The following NOSIP variants were observed in gnomAD, a reference collection of about 807,000 sequenced individuals.
NOSIP encodes nitric oxide synthase interacting protein, also known as nitric oxide synthase-interacting protein.
Under a neutral mutation model 36.4 loss-of-function variants are expected in NOSIP, and 25 were observed. That is an observed-to-expected ratio of 0.69 (90% CI 0.50 to 0.96). The LOEUF (loss-of-function observed/expected upper bound fraction) is 0.96, where lower values mean the gene tolerates loss of function less well. Ranked by LOEUF, NOSIP falls within the 40% of genes least tolerant of loss-of-function variation. NOSIP has a pLI of 0.00. For missense variants in NOSIP, 370 were observed against 429.0 expected (o/e 0.86, Z 1.21); for synonymous variants, 187 against 179.2 (o/e 1.04, Z -0.35).
rs1353677164 is a variant in NOSIP, at chr19:49,557,791, T to C, written c.259-542A>G. 4.1e-5 allele frequency: 41 copies of C among 988,496 alleles called. No individual in the cohort carries two copies. In the South Asian group the frequency reaches 1.6e-3, roughly 39 times the overall value. The allele number at this position is 988,496 out of a possible 1,614,324, so 61.2% of individuals were successfully genotyped here. ...GCCATGACCTGAGCTCAGCCCTGCC[T>C]GGCGCACAGCAGTTGCCTGGGCGGT... On this transcript the variant is annotated intron_variant, in intron 4 of 8. Coordinates refer to ENST00000596358, the MANE Select transcript of NOSIP (RefSeq NM_001270960.2).
chr19:49,580,020 A>G (rs1382645942), intron 1 of NOSIP, among the ~76,000 whole-genome samples: 2 of 151,648 alleles, frequency 1.3e-5, no homozygotes, highest in Non-Finnish European at 2.9e-5. Context: ...TCCCTGCACC[A>G]ACCCCGAAAG....
chr19:49,558,616 T>G, intron 4 of NOSIP: 3 of 404,184 alleles, frequency 7.4e-6, no homozygotes, highest in East Asian at 4.2e-5. Context: ...TCGAAGTCCA[T>G]AAGGGAAAGT....
chr19:49,564,453 C>CAAAAAAAAAAAAAA (rs1011453088), intron 1 of NOSIP, among the ~76,000 whole-genome samples: 1 of 42,562 alleles, frequency 2.3e-5, no homozygotes, highest in African/African-American at 8.3e-5. Context: ...GACTCCATCT[C>CAAAAAAAAAAAAAA]AAAAAAAAAA....
chr19:49,559,939 A>C lies in NOSIP; in HGVS notation c.171T>G (p.Val57=), dbSNP rs1346142625. Residue 57 remains valine (V), a synonymous_variant, in exon 3 of 9, where the codon GTT becomes GTG. Transcript: ENST00000596358. Reference sequence around the variant, plus strand: ...CATCCCTGTTCCCAGCTCACGTGACAACAGGATCGTGGCAAGGCTGCAGGG... The same window carrying C: ...CATCCCTGTTCCCAGCTCACGTGACCACAGGATCGTGGCAAGGCTGCAGGG... ...CLSLQPCHDP[V]VTPDGYLYER... is the part of the protein sequence containing the mutation. The C allele has an allele frequency of 1.9e-6, 3 of 1,612,100 alleles. No homozygotes were observed. In the African/African-American group the frequency reaches 4.0e-5, roughly 22 times the overall value.
chr19:49,565,680 C>CCTGG lies in NOSIP; in HGVS notation c.-1-4992_-1-4989dup, dbSNP rs1489733945. Reference sequence around the variant, plus strand: ...GGCTGAAGCAGGAGGACTGCTTGAGCCTGGGAGGTGAAGGCTGCAGTGAGC... The same window carrying CCTGG: ...GGCTGAAGCAGGAGGACTGCTTGAGCCTGGCTGGGAGGTGAAGGCTGCAGTGAGC... On this transcript the variant is annotated intron_variant, in intron 1 of 8. Coordinates refer to ENST00000596358, the MANE Select transcript of NOSIP (RefSeq NM_001270960.2). 2.6e-5 allele frequency among the ~76,000 whole-genome samples: 4 copies of CCTGG among 152,038 alleles called. No individual in the cohort carries two copies. The East Asian group carries it at 7.8e-4, about 30-fold the overall frequency.
intron 1 of NOSIP, among the ~76,000 whole-genome samples, chr19:49,570,983 T>C (rs983549416): frequency 6.6e-6 from 1 of 152,076 alleles, no homozygotes; most frequent in South Asian, 2.1e-4. Flanking sequence ...TTTAATTTAA[T>C]TTGTTTTTTT....
At chr19:49,573,468 G>T (rs1188315561) in intron 1 of NOSIP, among the ~76,000 whole-genome samples, 3 of 152,134 alleles carry the variant, frequency 2.0e-5, no homozygotes, top group Non-Finnish European at 4.4e-5. Flanking sequence ...GTGGGGCCTG[G>T]GTTGAACTTC....
At chr19:49,570,277 T>C (rs141824166) in intron 1 of NOSIP, among the ~76,000 whole-genome samples, 120 of 152,154 alleles carry the variant, frequency 7.9e-4, no homozygotes, top group Middle Eastern at 3.4e-3. Context: ...AAAAAGCAAC[T>C]TCATCTCTAT....
At chr19:49,575,994 G>A (rs912543229) in intron 1 of NOSIP, among the ~76,000 whole-genome samples, 6 of 152,134 alleles carry the variant, frequency 3.9e-5, no homozygotes, top group Admixed American at 2.0e-4. Context: ...AATTAGCCGG[G>A]CGTGGTGGCG....
intron 4 of NOSIP, chr19:49,557,687 G>T (rs965714129): frequency 1.0e-6 from 1 of 1,003,882 alleles, no homozygotes; most frequent in Non-Finnish European, 1.2e-6. Flanking sequence ...TGGGACGGGG[G>T]ATGTAGACTT....
At chr19:49,555,888 G>A in intron 8 of NOSIP, 66 bp from the exon 9 acceptor site, 1 of 1,196,552 alleles carries the variant, frequency 8.4e-7, no homozygotes, top group South Asian at 1.2e-5. Context: ...GGCTCCAGGT[G>A]GTAGTGGGGA....
chr19:49,557,265 T>G lies in NOSIP; in HGVS notation c.259-16A>C, dbSNP rs749163653. The G allele has an allele frequency of 3.5e-5, 55 of 1,565,830 alleles. No individual in the cohort carries two copies. In the Admixed American group the frequency reaches 4.9e-4, roughly 14 times the overall value. ...TCTCGTAGGCCTGCGTCGGGGAAAG[T>G]GGGCTGAGCATCTGCCCGTGGGGCT... On this transcript the variant is annotated splice_polypyrimidine_tract_variant and intron_variant, in intron 4 of 8. Coordinates refer to ENST00000596358, the MANE Select transcript of NOSIP (RefSeq NM_001270960.2).
intron 1 of NOSIP, among the ~76,000 whole-genome samples, chr19:49,579,821 T>C (rs1489506131): frequency 6.6e-6 from 1 of 152,178 alleles, no homozygotes; most frequent in Admixed American, 6.6e-5. Context: ...TAATCATTGG[T>C]GATTTGGGTG....
chr19:49,576,640 T>C (rs1413528210), intron 1 of NOSIP, among the ~76,000 whole-genome samples: 1 of 150,748 alleles, frequency 6.6e-6, no homozygotes, highest in Admixed American at 6.6e-5. Flanking sequence ...ATCCCAGCAC[T>C]TTGGGAGGCC....
intron 1 of NOSIP, among the ~76,000 whole-genome samples, chr19:49,564,662 A>G (rs1035874760): frequency 6.6e-6 from 1 of 152,028 alleles, no homozygotes; most frequent in South Asian, 2.1e-4. Flanking sequence ...TGCCAGTCCT[A>G]TGAGCCAGCA....
chr19:49,579,671 G>C (rs1049364761), intron 1 of NOSIP, among the ~76,000 whole-genome samples: 1 of 152,156 alleles, frequency 6.6e-6, no homozygotes, highest in African/African-American at 2.4e-5. Flanking sequence ...TTTGATTGTA[G>C]ATTCACGAAT....
Position 49,558,903 on chromosome 19 carries a change from C to T in NOSIP, c.252G>A (p.Gln84=). The change falls in exon 4 of 9, where the codon CAG becomes CAA. Residue 84 remains glutamine (Q), a synonymous_variant. Transcript: ENST00000596358. ...TCCTCCCCATCCCCATCACCTTCAT[C>T]TGCCGGGCAATCTCCTTCTTCTGGT... is the stretch of plus-strand genomic sequence containing the variant. ...ILHQKKEIAR[Q]MKAYEKQRGT... is the part of the protein sequence containing the mutation. 6.2e-7 allele frequency: 1 copy of T among 1,614,014 alleles called. No homozygotes were observed. The highest frequency in any genetic ancestry group is 8.5e-7 in the Non-Finnish European group (1 of 1,179,880).
intron 5 of NOSIP, 35 bp downstream of exon 5, chr19:49,557,055 G>C (rs774706194): frequency 6.3e-7 from 1 of 1,591,364 alleles, no homozygotes; most frequent in Non-Finnish European, 8.6e-7. Flanking sequence ...GCGGCGCCCC[G>C]CCCCCCAACC....
Position 49,560,098 on chromosome 19 carries a change from T to G in NOSIP, c.71-59A>C. ...CGGAGCAACAGGAGACATGTCCGTC[T>G]CCAAAGCCCCAGAGAGAGGCACAGA... On this transcript the variant is annotated intron_variant, in intron 2 of 8. Transcript: ENST00000596358. The surrounding 1 kb of genome is among the most constrained non-coding windows in gnomAD (Gnocchi z 4.6). The G allele has an allele frequency of 8.6e-7, 1 of 1,168,940 alleles. No individual in the cohort carries two copies. Among genetic ancestry groups the G allele is most frequent in the Non-Finnish European group, 1.2e-6 (1 of 801,184 alleles). The allele number at this position is 1,168,940 out of a possible 1,614,324, so 72.4% of individuals were successfully genotyped here.
Sources: gnomAD v4.1 joint callset for allele counts (sites outside exome capture counted in the v4.1 genomes callset) on GRCh38, gnomAD v4.1.1 for gene constraint, Gnocchi (gnomAD v3.1) non-coding constraint, MANE v1.5 for transcripts, NCBI Gene and HGNC (gene_info 2026-07-23, HGNC 2026-07-21) for gene names.